Variants in ADAMTS9 observed in about 807,000 individuals in gnomAD.
ADAMTS9 encodes ADAM metallopeptidase with thrombospondin type 1 motif 9.
ADAMTS9 carries 107 observed loss-of-function variants against 257.1 expected under a neutral mutation model. The ratio of observed to expected loss-of-function variants is 0.42; its 90% CI spans 0.36 to 0.49. ADAMTS9 has a LOEUF of 0.49. Among genes scored for constraint, ADAMTS9 ranks in the 20% least tolerant of loss-of-function variants. The pLI, the probability that ADAMTS9 is intolerant of heterozygous loss-of-function variation, is 0.03. For synonymous variants in ADAMTS9, 982 were observed against 880.9 expected, an observed-to-expected ratio of 1.11 and a Z score of -2.03; for missense variants, 2,353 against 2,469.1, an observed-to-expected ratio of 0.95 and a Z score of 1.00.
intron 32 of ADAMTS9, among the ~76,000 whole-genome samples, chr3:64,544,897 A>T (rs950615990): frequency 6.6e-6 from 1 of 152,192 alleles, no homozygotes; most frequent in Admixed American, 6.6e-5. Flanking sequence ...GAATCTATGA[A>T]GAACTTACAC....
At chr3:64,683,430 C>T (rs144801659) in intron 2 of ADAMTS9, among the ~76,000 whole-genome samples, 109 of 152,316 alleles carry the variant, frequency 7.2e-4, no homozygotes, top group Middle Eastern at 3.4e-3. Context: ...TGGTTAAGCA[C>T]ATGGATCAGA....
Position 64,686,465 on chromosome 3 carries a change from G to A in ADAMTS9, c.516+103C>T. 6 of 1,404,354 alleles carry A rather than the reference G, an allele frequency of 4.3e-6. No homozygotes were observed. The highest frequency in any genetic ancestry group is 2.6e-4 in the Middle Eastern group (1 of 3,816). 87.0% of individuals were successfully genotyped at this position (1,404,354 alleles called of 1,614,324 possible). ...TGATATTTAACGCCGGAGAGGAGCG[G>A]AGCCTCGCCACAGTGAGGGTCTCTA... is the stretch of plus-strand genomic sequence containing the variant. On this transcript the variant is annotated intron_variant, in intron 2 of 39. Coordinates refer to ENST00000498707, the MANE Select transcript of ADAMTS9 (RefSeq NM_182920.2). The surrounding 1 kb of genome is among the most constrained non-coding windows in gnomAD (Gnocchi z 4.6).
In ADAMTS9 at chr3:64,655,249, A is replaced by G. The variant is rs1319766228; in HGVS notation, c.1169+327T>C. Reference sequence around the variant, plus strand: ...AAGGCATGTATTTTCAGGTCTGCCTAACACATTTATTCCTCACTTGGTATC... The same window carrying G: ...AAGGCATGTATTTTCAGGTCTGCCTGACACATTTATTCCTCACTTGGTATC... On this transcript the variant is annotated intron_variant, in intron 6 of 39. Transcript: ENST00000498707. Among the ~76,000 whole-genome samples, 3 of 152,060 alleles carry G rather than the reference A, an allele frequency of 2.0e-5. No homozygotes were observed. In the East Asian group the frequency reaches 5.8e-4, roughly 29 times the overall value.
intron 38 of ADAMTS9, among the ~76,000 whole-genome samples, chr3:64,523,356 G>C (rs546916382): frequency 1.3e-3 from 205 of 152,256 alleles, no homozygotes; most frequent in African/African-American, 4.7e-3. Flanking sequence ...CCAGTCTGAA[G>C]TGACTAAAGA....
At chr3:64,533,067 A>G (rs1279363081) in intron 38 of ADAMTS9, 99 bp downstream of exon 38, 1 of 1,085,292 alleles carries the variant, frequency 9.2e-7, no homozygotes, top group Non-Finnish European at 1.4e-6. Flanking sequence ...GTGGGAAAGC[A>G]CATTCGTTTG....
At chr3:64,560,546 T>A (rs1052985434) in intron 30 of ADAMTS9, among the ~76,000 whole-genome samples, 6 of 152,122 alleles carry the variant, frequency 3.9e-5, no homozygotes, top group African/African-American at 1.4e-4. Flanking sequence ...ACTTGCTAGG[T>A]GCTAGGTATG....
chr3:64,630,997 A>G (rs1170871135), intron 16 of ADAMTS9, among the ~76,000 whole-genome samples: 3 of 152,210 alleles, frequency 2.0e-5, no homozygotes, highest in Non-Finnish European at 4.4e-5. Flanking sequence ...AACTTTTGCA[A>G]CGAACAGGCA....
intron 8 of ADAMTS9, among the ~76,000 whole-genome samples, chr3:64,653,455 G>C (rs1375745467): frequency 2.6e-5 from 4 of 152,170 alleles, no homozygotes; most frequent in Non-Finnish European, 5.9e-5. Flanking sequence ...AAATATACCT[G>C]TTATATATTG....
rs77599745 is a variant in ADAMTS9 at position 64,609,173 on chromosome 3, T to C, written c.3355-2094A>G. Among the ~76,000 whole-genome samples, 1,318 of 152,136 alleles carry C rather than the reference T, an allele frequency of 8.7e-3. 11 individuals are homozygous for C. The highest frequency in any genetic ancestry group is 0.03 in the African/African-American group (1,264 of 41,510). ...AACCCACAGCTAACACCATACTCAA[T>C]AGTAGAAGAGTAAAAACTTTTCCCC... On this transcript the variant is annotated intron_variant, in intron 22 of 39. Coordinates refer to ENST00000498707, the MANE Select transcript of ADAMTS9 (RefSeq NM_182920.2).
At chr3:64,542,530 C>T (rs1312371373) in intron 32 of ADAMTS9, among the ~76,000 whole-genome samples, 4 of 150,376 alleles carry the variant, frequency 2.7e-5, no homozygotes, top group Admixed American at 6.7e-5. Flanking sequence ...CAGGTTCAAG[C>T]GATTCTCCTG....
At chr3:64,638,227 A>C (rs372779310) in intron 12 of ADAMTS9, among the ~76,000 whole-genome samples, 11 of 152,130 alleles carry the variant, frequency 7.2e-5, no homozygotes, top group East Asian at 1.9e-4. Flanking sequence ...AACTGACACG[A>C]TTTTTGTTTT....
At chr3:64,564,275 T>C (rs923756612) in intron 29 of ADAMTS9, among the ~76,000 whole-genome samples, 3 of 152,206 alleles carry the variant, frequency 2.0e-5, no homozygotes, top group Admixed American at 6.5e-5. Context: ...AATGCTAGTA[T>C]GCAGAACTCA....
At chr3:64,562,271 T>A (rs2083441285) in intron 29 of ADAMTS9, among the ~76,000 whole-genome samples, 1 of 152,176 alleles carries the variant, frequency 6.6e-6, no homozygotes, top group Non-Finnish European at 1.5e-5. Flanking sequence ...CTCCTATTCA[T>A]GGAGATAAGG....
chr3:64,523,764 C>A (rs927084614), intron 38 of ADAMTS9, among the ~76,000 whole-genome samples: 3 of 152,172 alleles, frequency 2.0e-5, no homozygotes, highest in Non-Finnish European at 4.4e-5. Context: ...TTTGTCAGAA[C>A]TGAAAGCTCA....
intron 28 of ADAMTS9, among the ~76,000 whole-genome samples, chr3:64,572,144 T>C (rs1576044520): frequency 6.6e-6 from 1 of 152,180 alleles, no homozygotes; most frequent in East Asian, 1.9e-4. Flanking sequence ...CTCCCAACTT[T>C]GAGCAAGACT....
chr3:64,554,321 T>C (rs1326999227), intron 30 of ADAMTS9, among the ~76,000 whole-genome samples: 2 of 152,186 alleles, frequency 1.3e-5, no homozygotes, highest in Non-Finnish European at 2.9e-5. Flanking sequence ...AATTAAAAAT[T>C]AAACTAAGTA....
intron 28 of ADAMTS9, among the ~76,000 whole-genome samples, chr3:64,578,928 A>G (rs149700755): frequency 2.0e-5 from 3 of 152,258 alleles, no homozygotes; most frequent in African/African-American, 7.2e-5. Flanking sequence ...AGTTACTACA[A>G]TGGTCTTACC....
chr3:64,621,093 C>CT (rs1700091801), intron 19 of ADAMTS9, 21 bp downstream of exon 19: 1 of 1,595,822 alleles, frequency 6.3e-7, no homozygotes, highest in African/African-American at 1.4e-5. Context: ...TAATAAAGGC[C>CT]TTGAGAAAAC....
intron 6 of ADAMTS9, among the ~76,000 whole-genome samples, chr3:64,654,883 A>AC (rs1701023374): frequency 6.6e-6 from 1 of 152,162 alleles, no homozygotes; most frequent in Non-Finnish European, 1.5e-5. Flanking sequence ...TTTTCCCAAT[A>AC]CCCTGGGGTA....
Sources: gnomAD v4.1 joint callset for allele counts (sites outside exome capture counted in the v4.1 genomes callset) on GRCh38, gnomAD v4.1.1 for gene constraint, Gnocchi (gnomAD v3.1) non-coding constraint, MANE v1.5 for transcripts, NCBI Gene and HGNC (gene_info 2026-07-23, HGNC 2026-07-21) for gene names.